Variants in GGA2 observed in about 807,000 individuals in gnomAD.
The protein encoded by GGA2 is golgi associated, gamma adaptin ear containing, ARF binding protein 2.
Under a neutral mutation model 79.5 loss-of-function variants are expected in GGA2, and 48 were observed. The ratio of observed to expected loss-of-function variants is 0.60; its 90% CI spans 0.48 to 0.77. The LOEUF (loss-of-function observed/expected upper bound fraction) is 0.77, where lower values mean the gene tolerates loss of function less well. Ranked by LOEUF, GGA2 falls within the 30% of genes least tolerant of loss-of-function variation. The probability of loss-of-function intolerance (pLI) is 0.00; values close to 1 mark genes in which losing one functional copy is unlikely to be tolerated. For missense variants in GGA2, 770 were observed against 774.0 expected (o/e 0.99, Z 0.06); for synonymous variants, 317 against 302.0 (o/e 1.05, Z -0.51).
chr16:23,472,911 G>T (rs1399726668), intron 14 of GGA2, among the ~76,000 whole-genome samples: 1 of 150,582 alleles, frequency 6.6e-6, no homozygotes, highest in Non-Finnish European at 1.5e-5. Flanking sequence ...GTGGGCACCT[G>T]TGTCCCAGCT....
chr16:23,522,831 G>A (rs1054632556), upstream of GGA2: 1 of 152,168 alleles, frequency 6.6e-6, no homozygotes, highest in Non-Finnish European at 1.5e-5. Flanking sequence ...GGTCACAAGC[G>A]AGATCAGCTA....
At chr16:23,503,958 G>C (rs978179807) in intron 1 of GGA2, among the ~76,000 whole-genome samples, 1 of 152,118 alleles carries the variant, frequency 6.6e-6, no homozygotes, top group Non-Finnish European at 1.5e-5. Flanking sequence ...CTGCATGCCT[G>C]CAGTCCCAGC....
rs561660236 is a variant in GGA2, at chr16:23,467,510, A to G, written c.*80T>C. The G allele has an allele frequency of 5.3e-6, 4 of 758,318 alleles. No homozygotes were observed. The highest frequency in any genetic ancestry group is 1.7e-5 in the African/African-American group (1 of 58,334). 47.0% of individuals were successfully genotyped at this position (758,318 alleles called of 1,614,324 possible). On this transcript the variant is annotated 3_prime_UTR_variant, in exon 17 of 17. Transcript: ENST00000309859. ...ATAGGACTCTTGGCACTCCGCACTG[A>G]AACACCGTGATTAGTCCTGACTAGA...
At chr16:23,510,906 C>CGTGTGTGTGTGT (rs150030103), upstream of GGA2, among the ~76,000 whole-genome samples, 2 of 49,022 alleles carry the variant, frequency 4.1e-5, no homozygotes, top group African/African-American at 6.4e-5. Context: ...TGGGTTTCAC[C>CGTGTGTGTGTGT]GTGTGTGTGT....
intron 3 of GGA2, chr16:23,493,874 C>G (rs1238671068): frequency 3.4e-6 from 1 of 292,252 alleles, no homozygotes; most frequent in African/African-American, 2.2e-5. Flanking sequence ...CTCGTCCATA[C>G]TGTGGCTTTC....
chr16:23,506,806 G>C (rs573544577), intron 1 of GGA2, among the ~76,000 whole-genome samples: 2 of 152,282 alleles, frequency 1.3e-5, no homozygotes, highest in Admixed American at 1.3e-4. Flanking sequence ...TGGCACTGAC[G>C]AACTTGTTTG....
chr16:23,469,141 G>C lies in GGA2; in HGVS notation c.1621-145C>G, dbSNP rs1185033633. 1.2e-5 allele frequency: 7 copies of C among 566,914 alleles called. No homozygotes were observed. In the African/African-American group the frequency reaches 1.3e-4, roughly 11 times the overall value. The allele number at this position is 566,914 out of a possible 1,614,324, so 35.1% of individuals were successfully genotyped here. ...ACGTGGTACCCCGAGGCACCTATGG[G>C]AGCCCAAGCAGACAGACTCCCACTA... On this transcript the variant is annotated intron_variant, in intron 15 of 16. Coordinates refer to ENST00000309859, the MANE Select transcript of GGA2 (RefSeq NM_015044.4).
intron 4 of GGA2, 52 bp from the exon 5 acceptor site, chr16:23,491,852 C>A: frequency 7.6e-7 from 1 of 1,317,090 alleles, no homozygotes; most frequent in Non-Finnish European, 1.1e-6. Context: ...CTTGGGAGAC[C>A]GACACTTTAA....
chr16:23,510,386 G>A lies in GGA2; in HGVS notation c.26C>T (p.Ala9Val). Residue 9 changes from alanine (A) to valine (V), a missense_variant, in exon 1 of 17, where the codon GCT (alanine) becomes GTT (valine). By Grantham distance (64) the Ala-to-Val change is moderately conservative. Coordinates refer to ENST00000309859, the MANE Select transcript of GGA2 (RefSeq NM_015044.4). MAATAVAA[A>V]VAGTESAQGP... ...CTGGGCCGACTCGGTTCCCGCCACA[G>A]CCGCCGCCACCGCGGTCGCCGCCAT... 7.1e-7 allele frequency: 1 copy of A among 1,405,524 alleles called. No homozygotes were observed. The highest frequency in any genetic ancestry group is 9.3e-7 in the Non-Finnish European group (1 of 1,077,966). 87.1% of individuals were successfully genotyped at this position (1,405,524 alleles called of 1,614,324 possible).
chr16:23,493,242 A>G, intron 4 of GGA2, 118 bp downstream of exon 4: 1 of 686,476 alleles, frequency 1.5e-6, no homozygotes, highest in Non-Finnish European at 2.7e-6. Context: ...CGCTTCTTTC[A>G]CAGGCAGGAG....
chr16:23,465,493 C>G lies in GGA2; in HGVS notation c.*2097G>C, dbSNP rs1596971141. ...CCTCAAAAGCAAGAATGTTCAGGTA[C>G]ACATGTGTGAGTTCACCTCCTAACT... On this transcript the variant is annotated 3_prime_UTR_variant, in exon 17 of 17. Coordinates refer to ENST00000309859, the MANE Select transcript of GGA2 (RefSeq NM_015044.4). 1 of 694,522 alleles carries G rather than the reference C, an allele frequency of 1.4e-6. No homozygotes were observed. The highest frequency in any genetic ancestry group is 2.6e-6 in the Non-Finnish European group (1 of 380,454). 43.0% of individuals were successfully genotyped at this position (694,522 alleles called of 1,614,324 possible).
chr16:23,470,363 C>G (rs542853579), intron 14 of GGA2, among the ~76,000 whole-genome samples, 198 bp from the exon 15 acceptor site: 6 of 152,152 alleles, frequency 3.9e-5, no homozygotes, highest in Admixed American at 6.5e-5. Context: ...CCAAACTGAC[C>G]TTTCCCCACC....
At chr16:23,504,522 G>A (rs1218193467) in intron 1 of GGA2, among the ~76,000 whole-genome samples, 2 of 152,210 alleles carry the variant, frequency 1.3e-5, no homozygotes, top group Admixed American at 6.5e-5. Flanking sequence ...TCTCAGTTCT[G>A]AAATAACTGG....
At chr16:23,468,162 CATCT>C (rs1190957505) in intron 16 of GGA2, among the ~76,000 whole-genome samples, 28 of 152,174 alleles carry the variant, frequency 1.8e-4, no homozygotes, top group Middle Eastern at 3.4e-3. Flanking sequence ...CTCTCTCTTT[CATCT>C]ATCTGTCTGT....
chr16:23,497,423 T>C (rs1246498056), intron 1 of GGA2, among the ~76,000 whole-genome samples: 3 of 152,036 alleles, frequency 2.0e-5, no homozygotes, highest in Admixed American at 6.6e-5. Context: ...ACAGTCCGAG[T>C]TGAATTTTTC....
At chr16:23,513,805 GAAAA>G (rs71379687), upstream of GGA2, among the ~76,000 whole-genome samples, 1 of 141,990 alleles carries the variant, frequency 7.0e-6, no homozygotes, top group African/African-American at 2.6e-5. Context: ...AAAAAAGAAA[GAAAA>G]AAAGAAAAGA....
intron 8 of GGA2, among the ~76,000 whole-genome samples, chr16:23,485,697 C>T (rs1964702636): frequency 6.6e-6 from 1 of 152,182 alleles, no homozygotes; most frequent in Non-Finnish European, 1.5e-5. Flanking sequence ...GCTACTGCTA[C>T]ACACAGCAAC....
At chr16:23,499,811 C>T (rs1203596962) in intron 1 of GGA2, among the ~76,000 whole-genome samples, 4 of 152,194 alleles carry the variant, frequency 2.6e-5, no homozygotes, top group Admixed American at 1.3e-4. Context: ...ATAAGACCTT[C>T]CTCACAGTGT....
intron 13 of GGA2, among the ~76,000 whole-genome samples, chr16:23,475,759 AAAAAAAT>A (rs1171060733): frequency 6.6e-6 from 1 of 151,284 alleles, no homozygotes; most frequent in Non-Finnish European, 1.5e-5. Flanking sequence ...CAAAAATTAA[AAAAAAAT>A]AAAAAATAAA....
Sources: gnomAD v4.1 joint callset for allele counts (sites outside exome capture counted in the v4.1 genomes callset) on GRCh38, gnomAD v4.1.1 for gene constraint, MANE v1.5 for transcripts, NCBI Gene and HGNC (gene_info 2026-07-23, HGNC 2026-07-21) for gene names.